NUAK1: variants seen among roughly 807,000 people sequenced by gnomAD.
The protein encoded by NUAK1 is NUAK family kinase 1.
A neutral mutation model predicts 56.9 loss-of-function variants in NUAK1; 26 were observed. That is an observed-to-expected ratio of 0.46 (90% CI 0.33 to 0.63). The LOEUF is 0.63. NUAK1 is among the 30% of genes least tolerant of loss of function. NUAK1 has a pLI of 0.02. For missense variants in NUAK1, 727 were observed against 876.1 expected, an observed-to-expected ratio of 0.83 and a Z score of 2.15; for synonymous variants, 337 against 336.0, an observed-to-expected ratio of 1.00 and a Z score of -0.03.
At chr12:106,074,879 T>C (rs1290326266) in intron 4 of NUAK1, among the ~76,000 whole-genome samples, 1 of 152,178 alleles carries the variant, frequency 6.6e-6, no homozygotes, top group East Asian at 1.9e-4. Context: ...AATTCCACTT[T>C]CTTATCAAGG....
At chr12:106,073,488 C>A (rs993406005) in intron 4 of NUAK1, among the ~76,000 whole-genome samples, 1 of 152,082 alleles carries the variant, frequency 6.6e-6, no homozygotes, top group Non-Finnish European at 1.5e-5. Context: ...CTCAGTTTAC[C>A]CACCAGAAAA....
intron 4 of NUAK1, among the ~76,000 whole-genome samples, chr12:106,076,139 T>A (rs2032462946): frequency 6.6e-6 from 1 of 152,196 alleles, no homozygotes; most frequent in African/African-American, 2.4e-5. Flanking sequence ...AATACTGATT[T>A]TAAACATCAT....
intron 2 of NUAK1, among the ~76,000 whole-genome samples, chr12:106,100,681 C>T (rs1223462627): frequency 6.6e-6 from 1 of 152,188 alleles, no homozygotes; most frequent in Non-Finnish European, 1.5e-5. Context: ...GAATAAATCG[C>T]TTTTTCTCTA....
intron 4 of NUAK1, among the ~76,000 whole-genome samples, chr12:106,082,153 G>A (rs1163596893): frequency 6.6e-6 from 1 of 152,176 alleles, no homozygotes; most frequent in African/African-American, 2.4e-5. Flanking sequence ...TGGGCACAGG[G>A]CATTGCACAC....
chr12:106,066,655 CAA>C lies in NUAK1; in HGVS notation c.*145_*146del, dbSNP rs2032341922. ...CACCTCTCCCTTTTAGGTGTTGGCT[CAA>C]GGCTGCAAACTTGGCCAAGTGAGAC... On this transcript the variant is annotated 3_prime_UTR_variant, in exon 7 of 7. Coordinates refer to ENST00000261402, the MANE Select transcript of NUAK1 (RefSeq NM_014840.3). 1 of 716,806 alleles carries C rather than the reference CAA, an allele frequency of 1.4e-6. No individual in the cohort carries two copies. The highest frequency in any genetic ancestry group is 1.8e-5 in the African/African-American group (1 of 56,684). 44.4% of individuals were successfully genotyped at this position (716,806 alleles called of 1,614,324 possible).
chr12:106,119,422 T>C (rs2032952137), intron 1 of NUAK1, among the ~76,000 whole-genome samples: 1 of 152,128 alleles, frequency 6.6e-6, no homozygotes, highest in Admixed American at 6.5e-5. Flanking sequence ...GGAATGGAAA[T>C]AAGCCCTTAG....
chr12:106,111,988 G>A (rs1446030796), intron 1 of NUAK1, among the ~76,000 whole-genome samples: 1 of 148,344 alleles, frequency 6.7e-6, no homozygotes, highest in Non-Finnish European at 1.5e-5. Context: ...GGGATGAATA[G>A]AAAACATCAC....
At chr12:106,112,069 G>A (rs1160351736) in intron 1 of NUAK1, among the ~76,000 whole-genome samples, 2 of 151,694 alleles carry the variant, frequency 1.3e-5, no homozygotes, top group East Asian at 3.9e-4. Flanking sequence ...CCTCCAAGCA[G>A]ATGAAGTTTT....
At position 106,087,919 on chromosome 12, in the gene NUAK1, C is replaced by T. The variant is rs950748244; in HGVS notation, c.362-1034G>A. On this transcript the variant is annotated intron_variant, in intron 2 of 6. Coordinates refer to ENST00000261402, the MANE Select transcript of NUAK1 (RefSeq NM_014840.3). ...GAACTAATGCCGCAGGTTGCAGGGC[C>T]GCTGCTACTATGATCTCAAGCCGGT... Among the ~76,000 whole-genome samples, 7 of 152,336 alleles carry T rather than the reference C, an allele frequency of 4.6e-5. 1 individual carries two copies. The highest frequency in any genetic ancestry group is 2.1e-4 in the South Asian group (1 of 4,830).
At chr12:106,102,169 C>T (rs2032756267) in intron 2 of NUAK1, among the ~76,000 whole-genome samples, 1 of 152,154 alleles carries the variant, frequency 6.6e-6, no homozygotes, top group Non-Finnish European at 1.5e-5. Flanking sequence ...ATAAAAACAA[C>T]ACCTTTTATT....
intron 1 of NUAK1, among the ~76,000 whole-genome samples, chr12:106,130,626 T>C (rs757614653): frequency 6.6e-6 from 1 of 152,178 alleles, no homozygotes; most frequent in Non-Finnish European, 1.5e-5. Flanking sequence ...GTGCAGATCA[T>C]ACATGCACAA....
intron 2 of NUAK1, 71 bp from the exon 3 acceptor site, chr12:106,086,956 C>T (rs536732857): frequency 6.4e-6 from 10 of 1,552,572 alleles, no homozygotes; most frequent in Admixed American, 5.1e-5. Flanking sequence ...ACAGAGAATG[C>T]GAGAGAGGAC....
chr12:106,111,306 C>G (rs1007447995), intron 1 of NUAK1, among the ~76,000 whole-genome samples: 2 of 152,162 alleles, frequency 1.3e-5, no homozygotes, highest in African/African-American at 4.8e-5. Context: ...CACACATATC[C>G]TCCCCTCCCC....
chr12:106,100,763 T>C (rs1426581284), intron 2 of NUAK1, among the ~76,000 whole-genome samples: 1 of 152,234 alleles, frequency 6.6e-6, no homozygotes, highest in African/African-American at 2.4e-5. Context: ...ACCCACACTT[T>C]CTAAACATAC....
intron 1 of NUAK1, among the ~76,000 whole-genome samples, chr12:106,136,268 T>A (rs892921664): frequency 1.8e-4 from 27 of 152,240 alleles, no homozygotes; most frequent in African/African-American, 6.5e-4. Flanking sequence ...TAGCTGAAAT[T>A]AATAGCACAA....
At chr12:106,118,440 G>A (rs2032941272) in intron 1 of NUAK1, among the ~76,000 whole-genome samples, 1 of 152,206 alleles carries the variant, frequency 6.6e-6, no homozygotes, top group African/African-American at 2.4e-5. Flanking sequence ...GCATTGTGAT[G>A]CTTCCTTTCT....
intron 5 of NUAK1, 152 bp from the exon 6 acceptor site, chr12:106,071,058 A>G: frequency 1.3e-6 from 1 of 751,606 alleles, no homozygotes; most frequent in Non-Finnish European, 2.2e-6. Context: ...GTGCAGCCTG[A>G]CACCTGACAG....
intron 1 of NUAK1, among the ~76,000 whole-genome samples, chr12:106,121,806 G>A (rs1227849656): frequency 6.6e-6 from 1 of 152,046 alleles, no homozygotes; most frequent in Non-Finnish European, 1.5e-5. Context: ...CTGAAAAGCA[G>A]GTATGAACAA....
intron 1 of NUAK1, among the ~76,000 whole-genome samples, chr12:106,135,974 A>C (rs2033125838): frequency 6.6e-6 from 1 of 152,166 alleles, no homozygotes; most frequent in African/African-American, 2.4e-5. Context: ...CCACTTGACA[A>C]TTCCTGTTTC....
Sources: gnomAD v4.1 joint callset for allele counts (sites outside exome capture counted in the v4.1 genomes callset) on GRCh38, gnomAD v4.1.1 for gene constraint, MANE v1.5 for transcripts, NCBI Gene and HGNC (gene_info 2026-07-23, HGNC 2026-07-21) for gene names.